The following HS3ST5 variants were observed in gnomAD, a reference collection of about 807,000 sequenced individuals.
HS3ST5 encodes the protein heparan sulfate glucosamine 3-O-sulfotransferase 5.
Under a neutral mutation model 25.4 loss-of-function variants are expected in HS3ST5, and 10 were observed. That is an observed-to-expected ratio of 0.39 (90% CI 0.24 to 0.67). The LOEUF (loss-of-function observed/expected upper bound fraction) is 0.67, where lower values mean the gene tolerates loss of function less well. HS3ST5 is among the 30% of genes least tolerant of loss of function. The pLI is 0.44. For synonymous variants in HS3ST5, 170 were observed against 162.4 expected (o/e 1.05, Z -0.36); for missense variants, 324 against 420.7 (o/e 0.77, Z 2.01).
At chr6:114,324,858 CA>C (rs1267134646) in intron 1 of HS3ST5, among the ~76,000 whole-genome samples, 1 of 152,086 alleles carries the variant, frequency 6.6e-6, no homozygotes, top group Non-Finnish European at 1.5e-5. Context: ...CTAGTGATTC[CA>C]ATTGCGGATA....
intron 3 of HS3ST5, among the ~76,000 whole-genome samples, chr6:114,091,609 G>A (rs1404997632): frequency 1.3e-5 from 2 of 151,966 alleles, no homozygotes; most frequent in Admixed American, 6.6e-5. Flanking sequence ...GCATGAACCC[G>A]GGAGGCAGAG....
intron 1 of HS3ST5, among the ~76,000 whole-genome samples, chr6:114,285,919 A>T (rs1442961208): frequency 6.6e-6 from 1 of 152,076 alleles, no homozygotes; most frequent in Non-Finnish European, 1.5e-5. Context: ...ACTTGGAAAG[A>T]CATCACTAAA....
chr6:114,062,055 C>T (rs879399128), intron 4 of HS3ST5, among the ~76,000 whole-genome samples: 2 of 152,210 alleles, frequency 1.3e-5, no homozygotes, highest in Non-Finnish European at 2.9e-5. Flanking sequence ...GAAACATTTA[C>T]TGTGAAGCCA....
At chr6:114,144,907 G>A (rs1778079099) in intron 3 of HS3ST5, among the ~76,000 whole-genome samples, 1 of 152,194 alleles carries the variant, frequency 6.6e-6, no homozygotes, top group African/African-American at 2.4e-5. Context: ...TGCCTAACTT[G>A]TTGCTCTGCT....
chr6:114,229,742 C>G (rs1771485098), intron 1 of HS3ST5, among the ~76,000 whole-genome samples: 1 of 152,166 alleles, frequency 6.6e-6, no homozygotes, highest in Non-Finnish European at 1.5e-5. Flanking sequence ...TAAACAGATT[C>G]CTGCTTCTCT....
chr6:114,253,243 T>C (rs1772745653), intron 1 of HS3ST5, among the ~76,000 whole-genome samples: 1 of 152,188 alleles, frequency 6.6e-6, no homozygotes, highest in Non-Finnish European at 1.5e-5. Flanking sequence ...TAACCCAATA[T>C]ATGAAACACA....
intron 1 of HS3ST5, among the ~76,000 whole-genome samples, chr6:114,296,826 G>A (rs1424991506): frequency 2.6e-5 from 4 of 152,096 alleles, no homozygotes; most frequent in African/African-American, 7.2e-5. Flanking sequence ...GGTGAAGCAC[G>A]AAATCATGCA....
chr6:114,201,957 C>T (rs1781034853), intron 2 of HS3ST5, among the ~76,000 whole-genome samples: 1 of 151,944 alleles, frequency 6.6e-6, no homozygotes, highest in African/African-American at 2.4e-5. Context: ...AGCATGGGGG[C>T]AGCTGCCCCC....
At chr6:114,058,268 T>C (rs1772893589) in intron 4 of HS3ST5, 78 bp from the exon 5 acceptor site, 1 of 1,059,980 alleles carries the variant, frequency 9.4e-7, no homozygotes. Flanking sequence ...AGACCAAGAC[T>C]TTAAATGCAT....
At chr6:114,143,951 C>G (rs1269150083) in intron 3 of HS3ST5, 2 of 152,370 alleles carry the variant, frequency 1.3e-5, no homozygotes, top group Non-Finnish European at 2.9e-5. Context: ...CCAATCTGGT[C>G]TGTATATATG....
At chr6:114,255,274 A>T (rs1772853919) in intron 1 of HS3ST5, among the ~76,000 whole-genome samples, 1 of 152,240 alleles carries the variant, frequency 6.6e-6, no homozygotes, top group African/African-American at 2.4e-5. Context: ...TTTCACATCC[A>T]GGTCACACTG....
chr6:114,288,103 A>T (rs1774416191), intron 1 of HS3ST5, among the ~76,000 whole-genome samples: 1 of 152,132 alleles, frequency 6.6e-6, no homozygotes, highest in African/African-American at 2.4e-5. Context: ...CTATCAATGT[A>T]TAATACATAG....
At chr6:114,269,251 TTAACCATCTTACCTAA>T (rs1773536607) in intron 1 of HS3ST5, among the ~76,000 whole-genome samples, 1 of 152,178 alleles carries the variant, frequency 6.6e-6, no homozygotes, top group African/African-American at 2.4e-5. Flanking sequence ...CTCACAGTGA[TTAACCATCTTACCTAA>T]TATCACACAG....
At chr6:114,206,153 T>C (rs530169835) in intron 2 of HS3ST5, among the ~76,000 whole-genome samples, 28 of 152,316 alleles carry the variant, frequency 1.8e-4, no homozygotes, top group Non-Finnish European at 3.7e-4. Flanking sequence ...AGGAGCTTTA[T>C]TGGGGGTGGA....
At chr6:114,202,062 A>G (rs192797866) in intron 2 of HS3ST5, among the ~76,000 whole-genome samples, 1 of 152,210 alleles carries the variant, frequency 6.6e-6, no homozygotes, top group Non-Finnish European at 1.5e-5. Flanking sequence ...ACACAGCCAA[A>G]TCACATCAGA....
chr6:114,231,107 C>T (rs1771569175), intron 1 of HS3ST5, among the ~76,000 whole-genome samples: 1 of 151,958 alleles, frequency 6.6e-6, no homozygotes, highest in Non-Finnish European at 1.5e-5. Flanking sequence ...AGCACCATCC[C>T]CTTGGTACTG....
At chr6:114,218,683 T>C (rs1430584982) in intron 2 of HS3ST5, among the ~76,000 whole-genome samples, 1 of 152,244 alleles carries the variant, frequency 6.6e-6, no homozygotes, top group Non-Finnish European at 1.5e-5. Context: ...TGCCATTCCC[T>C]GAGTAGGCCT....
At chr6:114,285,682 G>A (rs545243690) in intron 1 of HS3ST5, among the ~76,000 whole-genome samples, 76 of 151,998 alleles carry the variant, frequency 5.0e-4, no homozygotes, top group African/African-American at 1.6e-3. Flanking sequence ...TGGGGAGGGC[G>A]GTGGGAGGAA....
chr6:114,084,233 C>T (rs2114772784), intron 3 of HS3ST5: 2 of 1,090,154 alleles, frequency 1.8e-6, no homozygotes, highest in East Asian at 4.7e-5. Context: ...GCAGACCAGT[C>T]TTCCGTGGCA....
Sources: gnomAD v4.1 joint callset for allele counts (sites outside exome capture counted in the v4.1 genomes callset) on GRCh38, gnomAD v4.1.1 for gene constraint, MANE v1.5 for transcripts, NCBI Gene and HGNC (gene_info 2026-07-23, HGNC 2026-07-21) for gene names.